MSRA: variants seen among roughly 807,000 people sequenced by gnomAD.
MSRA encodes methionine sulfoxide reductase A, also known as mitochondrial peptide methionine sulfoxide reductase.
A neutral mutation model predicts 31.3 loss-of-function variants in MSRA; 54 were observed. The observed-to-expected ratio is 1.73, with a 90% CI of 1.39 to 2.17. The LOEUF (loss-of-function observed/expected upper bound fraction) is 2.17, where lower values mean the gene tolerates loss of function less well. Among genes scored for constraint, MSRA ranks in the 30% most tolerant of loss-of-function variants. The pLI, the probability that MSRA is intolerant of heterozygous loss-of-function variation, is 0.00. For missense variants in MSRA, 507 were observed against 300.9 expected, an observed-to-expected ratio of 1.69 and a Z score of -5.07; for synonymous variants, 169 against 116.5, an observed-to-expected ratio of 1.45 and a Z score of -2.90.
chr8:10,103,021 A>G (rs550892768), intron 1 of MSRA, among the ~76,000 whole-genome samples: 2 of 152,306 alleles, frequency 1.3e-5, no homozygotes, highest in Non-Finnish European at 2.9e-5. Context: ...TTTAATCACT[A>G]GCTACCCAGA....
chr8:10,097,875 A>G (rs1486322845), intron 1 of MSRA, among the ~76,000 whole-genome samples: 1 of 152,178 alleles, frequency 6.6e-6, no homozygotes, highest in East Asian at 1.9e-4. Flanking sequence ...TATTAAACTT[A>G]AAATTTGATA....
chr8:10,236,401 T>C (rs2129076120), intron 2 of MSRA, among the ~76,000 whole-genome samples: 1 of 152,336 alleles, frequency 6.6e-6, no homozygotes, highest in African/African-American at 2.4e-5. Context: ...TTCTCTACTC[T>C]TTCTGGCTGT....
intron 5 of MSRA, among the ~76,000 whole-genome samples, chr8:10,382,899 C>T (rs559313749): frequency 2.0e-5 from 3 of 152,340 alleles, no homozygotes; most frequent in East Asian, 1.9e-4. Context: ...CCTCCACCGC[C>T]AGCTCCCTTT....
chr8:10,381,326 C>T (rs186503059), intron 5 of MSRA, among the ~76,000 whole-genome samples: 171 of 152,284 alleles, frequency 1.1e-3, no homozygotes, highest in African/African-American at 3.8e-3. Context: ...CAGTCCATTC[C>T]GTACCTCCTC....
At chr8:10,248,657 T>C (rs1189992669) in intron 3 of MSRA, among the ~76,000 whole-genome samples, 1 of 152,226 alleles carries the variant, frequency 6.6e-6, no homozygotes, top group Non-Finnish European at 1.5e-5. Flanking sequence ...TGGAAATTGA[T>C]AGGCCAGTGA....
intron 3 of MSRA, among the ~76,000 whole-genome samples, chr8:10,290,098 C>G (rs765221714): frequency 2.0e-5 from 3 of 152,090 alleles, no homozygotes; most frequent in African/African-American, 4.8e-5. Context: ...CAGATTATGC[C>G]CTCAAATGTA....
chr8:10,269,244 T>C (rs1798903994), intron 3 of MSRA, among the ~76,000 whole-genome samples: 4 of 152,230 alleles, frequency 2.6e-5, no homozygotes, highest in Admixed American at 2.6e-4. Flanking sequence ...GAGTGAGCCA[T>C]TCTCAGTTTT....
intron 2 of MSRA, among the ~76,000 whole-genome samples, chr8:10,221,781 A>C (rs952748922): frequency 1.3e-5 from 2 of 151,898 alleles, no homozygotes; most frequent in Admixed American, 1.3e-4. Context: ...GTAATTTAAA[A>C]TAACATAGTC....
At chr8:10,218,690 G>T (rs1810223542) in intron 2 of MSRA, among the ~76,000 whole-genome samples, 1 of 152,170 alleles carries the variant, frequency 6.6e-6, no homozygotes, top group Admixed American at 6.5e-5. Context: ...TCTGAGCATG[G>T]CTCTAAACGT....
chr8:10,382,215 C>T (rs74743938), intron 5 of MSRA, among the ~76,000 whole-genome samples: 5,329 of 152,284 alleles, frequency 0.035, 153 homozygotes, highest in Non-Finnish European at 0.056. Context: ...TGCTGGCTTC[C>T]CTCTTATGGC....
At chr8:10,231,167 G>T (rs965792278) in intron 2 of MSRA, among the ~76,000 whole-genome samples, 1 of 152,174 alleles carries the variant, frequency 6.6e-6, no homozygotes, top group African/African-American at 2.4e-5. Flanking sequence ...GAGAAAGGCG[G>T]CAAGGAGGGA....
At chr8:10,239,305 G>T (rs896698395) in intron 2 of MSRA, among the ~76,000 whole-genome samples, 1 of 152,126 alleles carries the variant, frequency 6.6e-6, no homozygotes. Context: ...GGGACTACAG[G>T]CATGTACCAC....
chr8:10,350,269 A>G (rs779209924), intron 5 of MSRA, among the ~76,000 whole-genome samples: 6 of 152,256 alleles, frequency 3.9e-5, no homozygotes, highest in African/African-American at 1.4e-4. Context: ...CAGTTACTGC[A>G]TCTTTGAGAA....
At chr8:10,427,533 C>T (rs368243808) in intron 5 of MSRA, among the ~76,000 whole-genome samples, 9 of 152,182 alleles carry the variant, frequency 5.9e-5, no homozygotes, top group South Asian at 2.1e-4. Flanking sequence ...AGACCCCAAG[C>T]GACCGCCTGC....
At chr8:10,211,604 T>G (rs1809502356) in intron 2 of MSRA, among the ~76,000 whole-genome samples, 1 of 152,150 alleles carries the variant, frequency 6.6e-6, no homozygotes, top group Admixed American at 6.5e-5. Flanking sequence ...TCTCACCCAT[T>G]TGATCTTTAG....
chr8:10,342,881 C>T (rs371055515), intron 5 of MSRA, among the ~76,000 whole-genome samples: 2 of 152,174 alleles, frequency 1.3e-5, no homozygotes, highest in Non-Finnish European at 2.9e-5. Flanking sequence ...TGTGTGACTT[C>T]GGGCAAGTGT....
intron 1 of MSRA, among the ~76,000 whole-genome samples, chr8:10,102,982 T>C (rs763278646): frequency 6.6e-5 from 10 of 152,190 alleles, no homozygotes; most frequent in Non-Finnish European, 1.5e-4. Context: ...TAATGATAGT[T>C]ACATTCTCAA....
At chr8:10,285,344 T>C (rs1446999529) in intron 3 of MSRA, among the ~76,000 whole-genome samples, 3 of 152,230 alleles carry the variant, frequency 2.0e-5, no homozygotes, top group Non-Finnish European at 4.4e-5. Flanking sequence ...TTTTTATTTT[T>C]TGGTTTTGTT....
In MSRA at chr8:10,174,661, C is replaced by T. The variant is rs925338610; in HGVS notation, c.143-33172C>T. Reference sequence around the variant, plus strand: ...TGGAGCAGACTCCCCAGCCTGTCTGCAGTCTTGTCCCCATCCGCCCTCTTG... The same window carrying T: ...TGGAGCAGACTCCCCAGCCTGTCTGTAGTCTTGTCCCCATCCGCCCTCTTG... On this transcript the variant is annotated intron_variant, in intron 1 of 5. Coordinates refer to ENST00000317173, the MANE Select transcript of MSRA (RefSeq NM_012331.5). 3.3e-5 allele frequency among the ~76,000 whole-genome samples: 5 copies of T among 152,072 alleles called. No homozygotes were observed. The East Asian group carries it at 9.7e-4, about 30-fold the overall frequency.
Sources: gnomAD v4.1 joint callset for allele counts (sites outside exome capture counted in the v4.1 genomes callset) on GRCh38, gnomAD v4.1.1 for gene constraint, MANE v1.5 for transcripts, NCBI Gene and HGNC (gene_info 2026-07-23, HGNC 2026-07-21) for gene names.